FGGY: variants seen among roughly 807,000 people sequenced by gnomAD.
The protein encoded by FGGY is FGGY carbohydrate kinase domain containing.
Under a neutral mutation model 71.3 loss-of-function variants are expected in FGGY, and 72 were observed. That is an observed-to-expected ratio of 1.01 (90% CI 0.84 to 1.23). The LOEUF is 1.23. FGGY is among the 50% of genes most tolerant of loss of function. The pLI is 0.00. For missense variants in FGGY, 668 were observed against 682.3 expected, an observed-to-expected ratio of 0.98 and a Z score of 0.23; for synonymous variants, 251 against 250.3, an observed-to-expected ratio of 1.00 and a Z score of -0.02.
chr1:59,409,596 T>TATATATATATATATATA (rs1557833921), intron 5 of FGGY, among the ~76,000 whole-genome samples: 27 of 84,014 alleles, frequency 3.2e-4, no homozygotes, highest in African/African-American at 1.1e-3. Context: ...AGGAAGAGTT[T>TATATATATATATATATA]TTTATATATA....
intron 13 of FGGY, among the ~76,000 whole-genome samples, chr1:59,671,815 A>G (rs996067228): frequency 6.6e-6 from 1 of 152,200 alleles, no homozygotes. Flanking sequence ...TATCTTGCCT[A>G]GGATCACACA....
intron 7 of FGGY, among the ~76,000 whole-genome samples, chr1:59,531,211 A>C (rs1007852561): frequency 1.3e-5 from 2 of 152,088 alleles, no homozygotes; most frequent in South Asian, 4.1e-4. Context: ...TCTACAAGTC[A>C]CCTCTTTAAA....
chr1:59,305,644 G>A (rs1389265741), intron 1 of FGGY, among the ~76,000 whole-genome samples: 2 of 152,098 alleles, frequency 1.3e-5, no homozygotes, highest in African/African-American at 2.4e-5. Flanking sequence ...TTTATTAATT[G>A]TTTAAATGCT....
At chr1:59,324,476 C>A (rs2047009984) in intron 2 of FGGY, among the ~76,000 whole-genome samples, 1 of 151,166 alleles carries the variant, frequency 6.6e-6, no homozygotes. Flanking sequence ...CGGGGTTTCA[C>A]CGTTTTAGCC....
At chr1:59,483,526 AT>A (rs1437120923) in intron 6 of FGGY, among the ~76,000 whole-genome samples, 2 of 152,042 alleles carry the variant, frequency 1.3e-5, no homozygotes, top group African/African-American at 4.8e-5. Context: ...AAACAGGACT[AT>A]TTTCTACTGT....
intron 5 of FGGY, among the ~76,000 whole-genome samples, chr1:59,451,331 T>G (rs1414158814): frequency 1.3e-5 from 2 of 151,794 alleles, no homozygotes; most frequent in African/African-American, 4.8e-5. Context: ...GCTTACTTAA[T>G]GTTTATTTTC....
At position 59,675,034 on chromosome 1, in the gene FGGY, G is replaced by A. The variant is rs116640483; in HGVS notation, c.1512+901G>A. On this transcript the variant is annotated intron_variant, in intron 14 of 15. Coordinates refer to ENST00000303721, the MANE Select transcript of FGGY (RefSeq NM_018291.5). ...TGTCAAGCATGCTCATTTAGTCCCT[G>A]CAATAGCTCTATTATCCCCATTTTA... Among the ~76,000 whole-genome samples the A allele has an allele frequency of 3.5e-3, 538 of 152,268 alleles. 7 individuals are homozygous for A. The highest frequency in any genetic ancestry group is 0.012 in the African/African-American group (514 of 41,542).
chr1:59,701,768 G>T (rs1196285004), intron 14 of FGGY, among the ~76,000 whole-genome samples: 1 of 152,092 alleles, frequency 6.6e-6, no homozygotes, highest in East Asian at 1.9e-4. Context: ...GGGAGAGAAT[G>T]TGTGCAGAAT....
intron 9 of FGGY, among the ~76,000 whole-genome samples, chr1:59,625,027 C>T (rs1251553760): frequency 6.6e-6 from 1 of 152,196 alleles, no homozygotes; most frequent in Non-Finnish European, 1.5e-5. Context: ...AACAAATTAT[C>T]TTCTTTACAC....
At chr1:59,568,808 T>C (rs2153731121) in intron 8 of FGGY, among the ~76,000 whole-genome samples, 1 of 152,264 alleles carries the variant, frequency 6.6e-6, no homozygotes, top group African/African-American at 2.4e-5. Flanking sequence ...TGGGGAAAAA[T>C]GTCTACTTCA....
In FGGY at chr1:59,666,171, C is replaced by A. The variant is rs74086292; in HGVS notation, c.1297-1112C>A. ...ACACATTGTCCTCCCAGATCCTTGA[C>A]TTTCTTATCTCTTCTGACTTCTCTT... On this transcript the variant is annotated intron_variant, in intron 12 of 15. Coordinates refer to ENST00000303721, the MANE Select transcript of FGGY (RefSeq NM_018291.5). Among the ~76,000 whole-genome samples the A allele has an allele frequency of 3.4e-3, 525 of 152,316 alleles. 3 individuals are homozygous for A. The highest frequency in any genetic ancestry group is 0.012 in the African/African-American group (502 of 41,564).
intron 7 of FGGY, among the ~76,000 whole-genome samples, chr1:59,514,590 T>C (rs2094594885): frequency 6.6e-6 from 1 of 152,104 alleles, no homozygotes; most frequent in African/African-American, 2.4e-5. Flanking sequence ...CTCCACAGAG[T>C]TGTATCTCCC....
At chr1:59,700,466 T>C (rs544044068) in intron 14 of FGGY, among the ~76,000 whole-genome samples, 3 of 152,196 alleles carry the variant, frequency 2.0e-5, no homozygotes, top group Non-Finnish European at 4.4e-5. Context: ...ACAAGGAAAC[T>C]TCAACAAAGT....
chr1:59,558,840 C>A (rs975361820), intron 8 of FGGY, among the ~76,000 whole-genome samples: 2 of 152,102 alleles, frequency 1.3e-5, no homozygotes, highest in African/African-American at 4.8e-5. Context: ...GACCTCCCCC[C>A]AGGAATGCAT....
intron 6 of FGGY, among the ~76,000 whole-genome samples, chr1:59,478,843 G>T (rs997773837): frequency 6.6e-6 from 1 of 152,200 alleles, no homozygotes; most frequent in African/African-American, 2.4e-5. Flanking sequence ...GGATGTACCT[G>T]CCAAGGGCAG....
At chr1:59,602,450 T>A (rs1438660948) in intron 8 of FGGY, among the ~76,000 whole-genome samples, 1 of 152,238 alleles carries the variant, frequency 6.6e-6, no homozygotes, top group East Asian at 1.9e-4. Flanking sequence ...GTTAACTGAT[T>A]TAAAGGCTCA....
At chr1:59,370,520 G>A (rs541558570) in intron 4 of FGGY, among the ~76,000 whole-genome samples, 27 of 152,158 alleles carry the variant, frequency 1.8e-4, no homozygotes, top group Middle Eastern at 3.4e-3. Flanking sequence ...AATCTAGCAA[G>A]GCAGGCCAAC....
At chr1:59,578,432 C>T (rs1166818278) in intron 8 of FGGY, among the ~76,000 whole-genome samples, 1 of 151,988 alleles carries the variant, frequency 6.6e-6, no homozygotes, top group Non-Finnish European at 1.5e-5. Context: ...CCCCAAAACA[C>T]CCAGCTGTCC....
intron 4 of FGGY, among the ~76,000 whole-genome samples, chr1:59,359,962 C>T (rs923504881): frequency 6.6e-6 from 1 of 152,030 alleles, no homozygotes; most frequent in South Asian, 2.1e-4. Context: ...GGGTCTGAAC[C>T]GTGGCATGGA....
Sources: gnomAD v4.1 joint callset for allele counts (sites outside exome capture counted in the v4.1 genomes callset) on GRCh38, gnomAD v4.1.1 for gene constraint, MANE v1.5 for transcripts, NCBI Gene and HGNC (gene_info 2026-07-23, HGNC 2026-07-21) for gene names.